PABPC4L: variants seen among roughly 807,000 people sequenced by gnomAD.
The protein encoded by PABPC4L is poly(A) binding protein cytoplasmic 4 like.
For missense variants in PABPC4L, 452 were observed against 451.4 expected (o/e 1.00, Z -0.01); for synonymous variants, 169 against 164.1 (o/e 1.03, Z -0.23).
the PABPC4L span, among the ~76,000 whole-genome samples, chr4:134,091,315 G>A: frequency 0.51 from 76,701 of 151,328 alleles, 20,581 homozygotes; most frequent in East Asian, 0.94. Flanking sequence ...TTTTTTATAC[G>A]AAGACAATTT....
At chr4:134,003,673 G>A in the PABPC4L span, among the ~76,000 whole-genome samples, 3 of 151,850 alleles carry the variant, frequency 2.0e-5, no homozygotes, top group Non-Finnish European at 2.9e-5. Flanking sequence ...GGAGTTTATA[G>A]TCTTGTGGGA....
At chr4:134,066,455 G>T in the PABPC4L span, among the ~76,000 whole-genome samples, 8 of 152,156 alleles carry the variant, frequency 5.3e-5, no homozygotes, top group African/African-American at 1.7e-4. Context: ...AGACTATTCG[G>T]TGTTCCAGGT....
At chr4:134,156,949 C>A in the PABPC4L span, among the ~76,000 whole-genome samples, 3 of 151,788 alleles carry the variant, frequency 2.0e-5, no homozygotes, top group Non-Finnish European at 4.4e-5. Flanking sequence ...TCAAATTCTT[C>A]TCCCTGTTTT....
the PABPC4L span, among the ~76,000 whole-genome samples, chr4:134,123,691 G>A: frequency 2.0e-3 from 297 of 151,796 alleles, 5 homozygotes; most frequent in Admixed American, 0.018. Flanking sequence ...TAATATCTTG[G>A]GACTTGTGAA....
At chr4:133,969,290 A>C in the PABPC4L span, among the ~76,000 whole-genome samples, 1 of 152,230 alleles carries the variant, frequency 6.6e-6, no homozygotes, top group Non-Finnish European at 1.5e-5. Context: ...GTGAAACTGA[A>C]AATGAAATTG....
At chr4:134,099,366 A>G in the PABPC4L span, among the ~76,000 whole-genome samples, 11 of 151,780 alleles carry the variant, frequency 7.2e-5, no homozygotes, top group Admixed American at 4.0e-4. Flanking sequence ...CTGCAGGCTA[A>G]GCATGTACAT....
chr4:133,981,453 G>T, the PABPC4L span, among the ~76,000 whole-genome samples: 2 of 151,918 alleles, frequency 1.3e-5, no homozygotes, highest in Non-Finnish European at 2.9e-5. Context: ...GAAAAAAATA[G>T]ATGTGCTCAA....
chr4:134,047,037 A>G, the PABPC4L span, among the ~76,000 whole-genome samples: 2 of 152,218 alleles, frequency 1.3e-5, no homozygotes, highest in Non-Finnish European at 2.9e-5. Flanking sequence ...TGACAGAATT[A>G]AAGGCAGAGT....
the PABPC4L span, among the ~76,000 whole-genome samples, chr4:134,012,002 TTGTATATAC>T: frequency 1.3e-5 from 2 of 152,158 alleles, no homozygotes; most frequent in African/African-American, 4.8e-5. Context: ...TTGTTAATCT[TTGTATATAC>T]TGTATTGAAA....
the PABPC4L span, among the ~76,000 whole-genome samples, chr4:134,099,739 T>C: frequency 2.0e-5 from 3 of 151,552 alleles, no homozygotes; most frequent in Non-Finnish European, 4.4e-5. Flanking sequence ...TACAGGGATG[T>C]AATCCTCACA....
the PABPC4L span, among the ~76,000 whole-genome samples, chr4:133,973,032 A>G: frequency 6.6e-6 from 1 of 152,196 alleles, no homozygotes; most frequent in Non-Finnish European, 1.5e-5. Context: ...GCAGAGAGCC[A>G]CAGAAATTGT....
chr4:133,971,333 C>G, the PABPC4L span, among the ~76,000 whole-genome samples: 2 of 151,626 alleles, frequency 1.3e-5, no homozygotes, highest in Non-Finnish European at 2.9e-5. Context: ...GGATGGTCTC[C>G]ATCTCCTGAC....
chr4:134,029,701 A>G, the PABPC4L span, among the ~76,000 whole-genome samples: 2 of 151,786 alleles, frequency 1.3e-5, no homozygotes, highest in Admixed American at 6.6e-5. Context: ...TTTAATTGTT[A>G]CTTATGATTT....
At chr4:134,030,601 AACAATACATC>A in the PABPC4L span, among the ~76,000 whole-genome samples, 1 of 150,648 alleles carries the variant, frequency 6.6e-6, no homozygotes, top group Admixed American at 6.6e-5. Context: ...TTATTCTTTA[AACAATACATC>A]ACTGTTTTAA....
chr4:133,973,898 T>C, the PABPC4L span, among the ~76,000 whole-genome samples: 1 of 152,176 alleles, frequency 6.6e-6, no homozygotes, highest in African/African-American at 2.4e-5. Flanking sequence ...ATAGGTCCTT[T>C]GAAAACTCTG....
the PABPC4L span, among the ~76,000 whole-genome samples, chr4:134,183,939 T>TGTG: frequency 1.3e-5 from 2 of 151,700 alleles, no homozygotes; most frequent in African/African-American, 4.8e-5. Flanking sequence ...TGTGTGTGTG[T>TGTG]AGAACTTAAC....
At chr4:134,129,427 C>G in the PABPC4L span, among the ~76,000 whole-genome samples, 1 of 151,918 alleles carries the variant, frequency 6.6e-6, no homozygotes, top group African/African-American at 2.4e-5. Context: ...TAATAGGCCA[C>G]AAAACAGTCT....
At chr4:134,175,534 C>T in the PABPC4L span, among the ~76,000 whole-genome samples, 3 of 152,006 alleles carry the variant, frequency 2.0e-5, no homozygotes, top group East Asian at 1.9e-4. Context: ...CTGCAACCTC[C>T]GCCTCCTGAG....
At chr4:133,980,860 T>C in the PABPC4L span, among the ~76,000 whole-genome samples, 1 of 152,158 alleles carries the variant, frequency 6.6e-6, no homozygotes, top group African/African-American at 2.4e-5. Flanking sequence ...TCTCACCTCA[T>C]TAAAAACCAC....
Sources: allele counts gnomAD v4.1 joint callset (sites outside exome capture counted in the v4.1 genomes callset), GRCh38; gene constraint gnomAD v4.1.1; transcripts MANE v1.5; gene names NCBI Gene and HGNC (gene_info 2026-07-23, HGNC 2026-07-21).